The following EPHA4 variants were observed in gnomAD, a reference collection of about 807,000 sequenced individuals.
EPHA4 encodes the protein EPH receptor A4, also known as ephrin type-A receptor 4.
EPHA4 carries 19 observed loss-of-function variants against 108.3 expected under a neutral mutation model. The ratio of observed to expected loss-of-function variants is 0.18; its 90% confidence interval spans 0.12 to 0.26. The LOEUF (loss-of-function observed/expected upper bound fraction) is 0.26, where lower values mean the gene tolerates loss of function less well. Among genes scored for constraint, EPHA4 ranks in the 10% least tolerant of loss-of-function variants. The pLI is 1.00. For synonymous variants in EPHA4, 449 were observed against 455.5 expected (o/e 0.99, Z 0.18); for missense variants, 917 against 1,254.0 (o/e 0.73, Z 4.06).
intron 3 of EPHA4, among the ~76,000 whole-genome samples, chr2:221,504,087 T>TA (rs1692558703): frequency 6.6e-6 from 1 of 152,228 alleles, no homozygotes; most frequent in African/African-American, 2.4e-5. Context: ...TAGTATTTTT[T>TA]ATCCTTCTAT....
chr2:221,500,929 T>A, intron 4 of EPHA4, 88 bp downstream of exon 4: 3 of 1,366,354 alleles, frequency 2.2e-6, no homozygotes, highest in Non-Finnish European at 2.9e-6. Flanking sequence ...CCTGAATGAT[T>A]ATCCCAGGAG....
intron 3 of EPHA4, among the ~76,000 whole-genome samples, chr2:221,544,294 C>T (rs1693921026): frequency 6.6e-6 from 1 of 152,174 alleles, no homozygotes; most frequent in Non-Finnish European, 1.5e-5. Context: ...AGATCTGCCA[C>T]ATATTCACAA....
Position 221,556,471 on chromosome 2 carries a change from A to ATTT in EPHA4, c.823+7257_823+7259dup, listed in dbSNP as rs1225934215. Among the ~76,000 whole-genome samples the ATTT allele has an allele frequency of 3.0e-3, 340 of 113,716 alleles. 3 individuals are homozygous for ATTT. The highest frequency in any genetic ancestry group is 7.6e-3 in the African/African-American group (234 of 30,802). 74.6% of individuals were successfully genotyped at this position (113,716 alleles called of 152,430 possible). A position where few individuals can be genotyped will look rare whatever the true frequency, so the allele number is the denominator to read the frequency against. On this transcript the variant is annotated intron_variant, in intron 3 of 17. Transcript: ENST00000281821. ...ACCACCATGCCCAGCTAATTTTTGT[A>ATTT]TTTTTTTTTTTTTTTTTTTTAGTAG...
At position 221,443,593 on chromosome 2, in the gene EPHA4, A is replaced by C; in HGVS notation, c.1788T>G (p.Tyr596Ter). The change falls in exon 10 of 18, where the codon TAT (tyrosine) becomes TAG (stop). Residue 596 changes from tyrosine to a stop codon, truncating the protein, a stop_gained. Coordinates refer to ENST00000281821, the MANE Select transcript of EPHA4 (RefSeq NM_004438.5). LOFTEE classifies it high-confidence loss of function. ...EKHLNQGVRT[Y>*]VDPFTYEDPN... ...GATCTTCGTACGTAAAGGGGTCCAC[A>C]TATGTTCTTACACCTGAGTGATAAA... 2 of 1,613,784 alleles carry C rather than the reference A, an allele frequency of 1.2e-6. No individual in the cohort carries two copies. Among genetic ancestry groups the C allele is most frequent in the Non-Finnish European group, 1.7e-6 (2 of 1,179,748 alleles).
At chr2:221,532,149 G>A (rs952497391) in intron 3 of EPHA4, among the ~76,000 whole-genome samples, 1 of 150,908 alleles carries the variant, frequency 6.6e-6, no homozygotes, top group South Asian at 2.1e-4. Flanking sequence ...TTGAGACAGG[G>A]TCTCACTCTG....
At position 221,418,499 on chromosome 2, in the gene EPHA4, C is replaced by G. The variant is rs1421539310; in HGVS notation, c.*2873G>C. ...AAGTGTCTTCAGACAAATATTGAGG[C>G]TATACGGGTGTACGGATTAATACAC... is the stretch of plus-strand genomic sequence containing the variant. On this transcript the variant is annotated 3_prime_UTR_variant, in exon 18 of 18. Coordinates refer to ENST00000281821, the MANE Select transcript of EPHA4 (RefSeq NM_004438.5). 1 of 152,624 alleles carries G rather than the reference C, an allele frequency of 6.6e-6. No homozygotes were observed. Among genetic ancestry groups the G allele is most frequent in the African/African-American group, 2.4e-5 (1 of 41,448 alleles). 9.5% of individuals were successfully genotyped at this position (152,624 alleles called of 1,614,324 possible).
rs190789849 is a variant in EPHA4 at position 221,426,023 on chromosome 2, C to T, written c.*5G>A. The T allele has an allele frequency of 4.2e-5, 68 of 1,613,068 alleles. No homozygotes were observed. In the African/African-American group the frequency reaches 6.4e-4, roughly 15 times the overall value. ...TCAAGAGTTTTGAGTTTATTCAGTA[C>T]TGGCTCAGACGGGAACCATTCTGCC... On this transcript the variant is annotated 3_prime_UTR_variant, in exon 17 of 18. Transcript: ENST00000281821.
chr2:221,451,893 T>C (rs1283136235), intron 8 of EPHA4, among the ~76,000 whole-genome samples: 1 of 152,198 alleles, frequency 6.6e-6, no homozygotes, highest in Non-Finnish European at 1.5e-5. Flanking sequence ...AAGAAAAAAG[T>C]AGATCTCGCT....
At chr2:221,515,541 G>A (rs574867032) in intron 3 of EPHA4, among the ~76,000 whole-genome samples, 62 of 152,298 alleles carry the variant, frequency 4.1e-4, no homozygotes, top group African/African-American at 1.4e-3. Context: ...CACACGGTGG[G>A]TGGCTTACCA....
At position 221,568,664 on chromosome 2, in the gene EPHA4, G is replaced by A. The variant is rs146830214; in HGVS notation, c.159+54C>T. 3.4e-6 allele frequency: 5 copies of A among 1,460,460 alleles called. No homozygotes were observed. The Admixed American group carries it at 5.6e-5, about 16-fold the overall frequency. 90.5% of individuals were successfully genotyped at this position (1,460,460 alleles called of 1,614,324 possible). On this transcript the variant is annotated intron_variant, in intron 2 of 17. Coordinates refer to ENST00000281821, the MANE Select transcript of EPHA4 (RefSeq NM_004438.5). The stretch of plus-strand genomic sequence containing the variant: ...ATCAAGCCATTAGGACTCTCAGAAA[G>A]TTGCTAATCACTCCTTTTTTACCCT...
Position 221,443,620 on chromosome 2 carries a change from A to G in EPHA4, c.1775-14T>C. Reference sequence around the variant, plus strand: ...ATGTTCTTACACCTGAGTGATAAACATGATAAGTTGGCTGAATACTTCTAA... The same window carrying G: ...ATGTTCTTACACCTGAGTGATAAACGTGATAAGTTGGCTGAATACTTCTAA... On this transcript the variant is annotated splice_polypyrimidine_tract_variant and intron_variant, in intron 9 of 17. Coordinates refer to ENST00000281821, the MANE Select transcript of EPHA4 (RefSeq NM_004438.5). The G allele has an allele frequency of 6.3e-7, 1 of 1,591,254 alleles. No homozygotes were observed. Among genetic ancestry groups the G allele is most frequent in the Non-Finnish European group, 8.6e-7 (1 of 1,160,150 alleles).
At chr2:221,449,128 A>G (rs769317164) in intron 8 of EPHA4, among the ~76,000 whole-genome samples, 48 of 151,524 alleles carry the variant, frequency 3.2e-4, no homozygotes, top group Non-Finnish European at 2.7e-4. Context: ...GAAATGGCTG[A>G]AAAAAAACCA....
At chr2:221,482,144 C>T (rs532342114) in intron 5 of EPHA4, among the ~76,000 whole-genome samples, 5 of 152,256 alleles carry the variant, frequency 3.3e-5, no homozygotes, top group African/African-American at 9.6e-5. Flanking sequence ...CTCTCAGGCT[C>T]AAGTGATCCA....
Position 221,572,186 on chromosome 2 carries a change from T to C in EPHA4, c.63A>G (p.Thr21=), listed in dbSNP as rs973943879. 1.2e-6 allele frequency: 2 copies of C among 1,614,090 alleles called. No homozygotes were observed. Among genetic ancestry groups the C allele is most frequent in the Admixed American group, 1.7e-5 (1 of 60,036 alleles). The change falls in exon 1 of 18, where the codon ACA becomes ACG. Residue 21 remains threonine (T), a synonymous_variant. Transcript: ENST00000281821. ...SCLFGICDAV[T]GSRVYPANEV... ...CATTCGCGGGGTATACCCTGGAACC[T>C]GTGACAGCGTCGCAAATCCCGAAGA...
chr2:221,528,341 A>G (rs1324887177), intron 3 of EPHA4, among the ~76,000 whole-genome samples: 2 of 152,182 alleles, frequency 1.3e-5, no homozygotes, highest in Admixed American at 1.3e-4. Flanking sequence ...CTCGGTAACC[A>G]TTTAAACAGG....
At chr2:221,464,204 T>C (rs1272511078) in intron 5 of EPHA4, among the ~76,000 whole-genome samples, 3 of 152,238 alleles carry the variant, frequency 2.0e-5, no homozygotes, top group Middle Eastern at 3.4e-3. Flanking sequence ...ACTCAAGGGG[T>C]CTTTCATTGA....
In EPHA4 at chr2:221,564,197, C is replaced by T. The variant is rs754742410; in HGVS notation, c.357G>A (p.Lys119=). The change falls in exon 3 of 18, where the codon AAG becomes AAA. Residue 119 remains lysine (K), a synonymous_variant. Transcript: ENST00000281821. The stretch of plus-strand genomic sequence containing the variant: ...CATAGTAGTACAGGTTAAACGTCTC[C>T]TTGCAAGTCCCCATGACGCCCGGAA... ...NSLPGVMGTC[K]ETFNLYYYES... 10 of 1,614,022 alleles carry T rather than the reference C, an allele frequency of 6.2e-6. No individual in the cohort carries two copies. Among genetic ancestry groups the T allele is most frequent in the East Asian group, 4.5e-5 (2 of 44,884 alleles).
intron 3 of EPHA4, among the ~76,000 whole-genome samples, chr2:221,507,317 T>G: frequency 6.6e-6 from 1 of 152,232 alleles, no homozygotes; most frequent in Non-Finnish European, 1.5e-5. Flanking sequence ...GAAAAGCTGA[T>G]TTTACTCAGT....
At chr2:221,488,327 C>A (rs189032855) in intron 4 of EPHA4, among the ~76,000 whole-genome samples, 82 of 152,258 alleles carry the variant, frequency 5.4e-4, no homozygotes, top group Middle Eastern at 3.4e-3. Flanking sequence ...AAAGCTCAGT[C>A]CAGGAACCCC....
Sources: allele counts gnomAD v4.1 joint callset (sites outside exome capture counted in the v4.1 genomes callset), GRCh38; gene constraint gnomAD v4.1.1; transcripts MANE v1.5; gene names NCBI Gene and HGNC (gene_info 2026-07-23, HGNC 2026-07-21).